TTC23: variants seen among roughly 807,000 people sequenced by gnomAD.
TTC23 encodes tetratricopeptide repeat domain 23.
A neutral mutation model predicts 55.1 loss-of-function variants in TTC23; 58 were observed. The ratio of observed to expected loss-of-function variants is 1.05; its 90% CI spans 0.85 to 1.31. The LOEUF (loss-of-function observed/expected upper bound fraction) is 1.31, where lower values mean the gene tolerates loss of function less well. Among genes scored for constraint, TTC23 ranks in the 50% most tolerant of loss-of-function variants. TTC23 has a pLI of 0.00. For missense variants in TTC23, 516 were observed against 534.4 expected, an observed-to-expected ratio of 0.97 and a Z score of 0.34; for synonymous variants, 203 against 199.9, an observed-to-expected ratio of 1.02 and a Z score of -0.13.
intron 9 of TTC23, among the ~76,000 whole-genome samples, chr15:99,183,877 C>T (rs2074409815): frequency 6.6e-6 from 1 of 152,106 alleles, no homozygotes; most frequent in African/African-American, 2.4e-5. Flanking sequence ...TATCACAGGC[C>T]CTGAGACCTA....
At chr15:99,161,968 G>A in intron 10 of TTC23, 101 bp from the exon 11 acceptor site, 1 of 1,294,514 alleles carries the variant, frequency 7.7e-7, no homozygotes, top group Non-Finnish European at 1.0e-6. Flanking sequence ...TTGGAAAGAG[G>A]TATTGGGACA....
At chr15:99,230,320 A>C (rs913899437) in intron 4 of TTC23, among the ~76,000 whole-genome samples, 1 of 152,174 alleles carries the variant, frequency 6.6e-6, no homozygotes, top group Non-Finnish European at 1.5e-5. Flanking sequence ...ATAGCAATAA[A>C]AATTATCAAA....
intron 5 of TTC23, among the ~76,000 whole-genome samples, chr15:99,226,831 G>A (rs758807591): frequency 2.0e-5 from 3 of 152,070 alleles, no homozygotes; most frequent in African/African-American, 7.2e-5. Flanking sequence ...GCCACTCTAT[G>A]TCCTCCTTAG....
chr15:99,200,122 A>G (rs1393273932), intron 8 of TTC23, 26 bp from the exon 9 acceptor site: 1 of 1,524,098 alleles, frequency 6.6e-7, no homozygotes, highest in Non-Finnish European at 8.8e-7. Context: ...GAATTATTTT[A>G]TTTAATAATT....
chr15:99,193,960 G>A (rs2075471696), intron 9 of TTC23, among the ~76,000 whole-genome samples: 2 of 151,580 alleles, frequency 1.3e-5, no homozygotes, highest in African/African-American at 2.4e-5. Flanking sequence ...AGTGAGCTGA[G>A]ATTGTGCCAC....
intron 9 of TTC23, among the ~76,000 whole-genome samples, chr15:99,183,664 G>A (rs530022623): frequency 1.4e-4 from 21 of 152,094 alleles, no homozygotes; most frequent in African/African-American, 5.1e-4. Flanking sequence ...CTAAGCAGCC[G>A]AGCATTCAAG....
chr15:99,165,642 G>C (rs967452417), intron 10 of TTC23, among the ~76,000 whole-genome samples: 6 of 152,204 alleles, frequency 3.9e-5, no homozygotes, highest in African/African-American at 1.4e-4. Flanking sequence ...AGCCAGACCA[G>C]CAGATGCATT....
intron 11 of TTC23, chr15:99,160,595 G>C (rs949088403): frequency 3.3e-5 from 5 of 152,040 alleles, no homozygotes; most frequent in Admixed American, 3.3e-4. Flanking sequence ...GATATCCTTG[G>C]GGGCTCTGGA....
chr15:99,234,538 A>T (rs890483714), intron 4 of TTC23, among the ~76,000 whole-genome samples: 3 of 151,652 alleles, frequency 2.0e-5, no homozygotes, highest in Non-Finnish European at 2.9e-5. Flanking sequence ...GCCTGGCTAA[A>T]TTTTTTTGTA....
At chr15:99,194,867 A>T (rs1339446176) in intron 9 of TTC23, among the ~76,000 whole-genome samples, 1 of 152,214 alleles carries the variant, frequency 6.6e-6, no homozygotes, top group Non-Finnish European at 1.5e-5. Context: ...TCTGGGAGGC[A>T]GAGGTTGGTG....
At chr15:99,168,434 A>C (rs1443267315) in intron 10 of TTC23, among the ~76,000 whole-genome samples, 2 of 152,100 alleles carry the variant, frequency 1.3e-5, no homozygotes, top group Non-Finnish European at 1.5e-5. Context: ...CAGCAACCTC[A>C]AGTTCCTGTT....
intron 11 of TTC23, 89 bp downstream of exon 11, chr15:99,161,633 CATGCTTTGCACACAGTAG>C (rs2071389436): frequency 5.3e-6 from 7 of 1,316,464 alleles, no homozygotes; most frequent in Middle Eastern, 3.8e-4. Flanking sequence ...GAGACTGGCA[CATGCTTTGCACACAGTAG>C]ATGCTTAATG....
rs117262368 is a variant in TTC23 at position 99,234,115 on chromosome 15, A to G, written c.-21+873T>C. ...AAGAAAACACCTGTGACCATGCATT[A>G]GGCAAAGCTTTCCTAGATATGACCA... is the stretch of plus-strand genomic sequence containing the variant. On this transcript the variant is annotated intron_variant, in intron 4 of 13. Coordinates refer to ENST00000394132, the MANE Select transcript of TTC23 (RefSeq NM_001288615.3). 5.5e-3 allele frequency among the ~76,000 whole-genome samples: 837 copies of G among 152,356 alleles called. 5 individuals carry two copies. Among genetic ancestry groups the G allele is most frequent in the Non-Finnish European group, 7.9e-3 (538 of 68,034 alleles).
chr15:99,139,998 A>G (rs1555489522), intron 12 of TTC23: 1 of 229,888 alleles, frequency 4.3e-6, no homozygotes, highest in East Asian at 9.9e-5. Flanking sequence ...AGTTGTGCCC[A>G]AAATGGCCAA....
chr15:99,233,400 C>T (rs2079077231), intron 4 of TTC23, among the ~76,000 whole-genome samples: 1 of 152,052 alleles, frequency 6.6e-6, no homozygotes. Flanking sequence ...ATTGTGAACA[C>T]CTTTATACCA....
intron 12 of TTC23, among the ~76,000 whole-genome samples, chr15:99,149,815 G>A (rs1876741): frequency 0.095 from 14,431 of 152,284 alleles, 836 homozygotes; most frequent in East Asian, 0.28. Context: ...GTGAGTGTAC[G>A]GTGGGGCACA....
intron 8 of TTC23, among the ~76,000 whole-genome samples, chr15:99,217,658 C>T (rs1192766546): frequency 6.6e-6 from 1 of 152,150 alleles, no homozygotes; most frequent in Non-Finnish European, 1.5e-5. Context: ...GTGAGCTCTG[C>T]ACTTGCAGTT....
intron 10 of TTC23, among the ~76,000 whole-genome samples, chr15:99,165,391 G>A (rs2071934256): frequency 6.6e-6 from 1 of 152,238 alleles, no homozygotes; most frequent in Admixed American, 6.5e-5. Context: ...TAGGATCTGT[G>A]TTAGAAAGGA....
chr15:99,209,599 G>A (rs1004259180), intron 8 of TTC23, among the ~76,000 whole-genome samples: 1 of 152,120 alleles, frequency 6.6e-6, no homozygotes, highest in African/African-American at 2.4e-5. Context: ...TGCTACATTT[G>A]AACATGGGAA....
Sources: allele counts gnomAD v4.1 joint callset (sites outside exome capture counted in the v4.1 genomes callset), GRCh38; gene constraint gnomAD v4.1.1; transcripts MANE v1.5; gene names NCBI Gene and HGNC (gene_info 2026-07-23, HGNC 2026-07-21).